Variants in EIF3H observed in about 807,000 individuals in gnomAD.
The protein encoded by EIF3H is eIF-3-gamma.
A neutral mutation model predicts 44.2 loss-of-function variants in EIF3H; 26 were observed. The observed-to-expected ratio is 0.59, with a 90% CI of 0.43 to 0.82. The LOEUF (loss-of-function observed/expected upper bound fraction) is 0.82. EIF3H is among the 40% of genes least tolerant of loss of function. The probability of loss-of-function intolerance (pLI) is 0.00; values close to 1 mark genes in which losing one functional copy is unlikely to be tolerated. For synonymous variants in EIF3H, 166 were observed against 151.9 expected, an observed-to-expected ratio of 1.09 and a Z score of -0.68; for missense variants, 359 against 432.8, an observed-to-expected ratio of 0.83 and a Z score of 1.51.
intron 6 of EIF3H, among the ~76,000 whole-genome samples, chr8:116,647,621 A>C (rs1813326180): frequency 6.6e-6 from 1 of 152,364 alleles, no homozygotes; most frequent in East Asian, 1.9e-4. Context: ...GAAGCACGTA[A>C]TATCCCATAC....
intron 2 of EIF3H, among the ~76,000 whole-genome samples, chr8:116,701,997 T>A (rs185304429): frequency 3.3e-5 from 5 of 151,612 alleles, no homozygotes; most frequent in Non-Finnish European, 5.9e-5. Context: ...AAATCTAAAT[T>A]TTTTTTTTAA....
chr8:116,714,248 A>C (rs775623984), intron 2 of EIF3H, among the ~76,000 whole-genome samples: 3 of 152,150 alleles, frequency 2.0e-5, no homozygotes, highest in Non-Finnish European at 4.4e-5. Context: ...TTCTTGTTTA[A>C]CAGTTTCTTA....
chr8:116,743,784 AT>A (rs1243272231), intron 1 of EIF3H, among the ~76,000 whole-genome samples: 6 of 90,782 alleles, frequency 6.6e-5, no homozygotes, highest in Non-Finnish European at 1.1e-4. Context: ...ATATATATAT[AT>A]ATATATATAT....
chr8:116,662,341 G>A (rs1813597783), intron 2 of EIF3H, among the ~76,000 whole-genome samples: 1 of 152,114 alleles, frequency 6.6e-6, no homozygotes, highest in Non-Finnish European at 1.5e-5. Flanking sequence ...AGTCTTAAAA[G>A]GTGGGGCTGG....
chr8:116,742,856 A>G (rs1284641254), intron 1 of EIF3H, among the ~76,000 whole-genome samples: 2 of 152,212 alleles, frequency 1.3e-5, no homozygotes, highest in African/African-American at 2.4e-5. Flanking sequence ...TTTGTGTGCC[A>G]TATGCATGTA....
chr8:116,669,697 G>C lies in EIF3H; in HGVS notation c.290-10717C>G, dbSNP rs907385988. On this transcript the variant is annotated intron_variant, in intron 2 of 7. Coordinates refer to ENST00000521861, the MANE Select transcript of EIF3H (RefSeq NM_003756.3). ...AGTATCAAAGATATTATAAAAGAAA[G>C]CCTGAGGAATATAATTTTTGAAGAC... Among the ~76,000 whole-genome samples, 3 of 152,250 alleles carry C rather than the reference G, an allele frequency of 2.0e-5. No homozygotes were observed. The South Asian group carries it at 6.2e-4, about 32-fold the overall frequency.
At position 116,755,758 on chromosome 8, in the gene EIF3H, A is replaced by G. The variant is rs778048842; in HGVS notation, c.40T>C (p.Ser14Pro). 6.2e-6 allele frequency: 10 copies of G among 1,613,946 alleles called. No individual in the cohort carries two copies. The South Asian group carries it at 8.8e-5, about 14-fold the overall frequency. Residue 14 changes from serine (S) to proline (P), a missense_variant, in exon 1 of 8, where the codon TCT (serine) becomes CCT (proline). This residue lies in a region of EIF3H where 59 missense variants were observed against 33.5 expected (regional missense o/e 1.76). Coordinates refer to ENST00000521861, the MANE Select transcript of EIF3H (RefSeq NM_003756.3). The part of the protein sequence containing the change: ...RKEGTGSTAT[S>P]SSSTAGAAGK... ...GCTGCGCCGGCGGTGGAGCTGGAAG[A>G]GGTGGCAGTAGAGCCGGTACCTTCC...
At chr8:116,766,368 T>A (rs16888720), upstream of EIF3H, 5 of 433,100 alleles carry the variant, frequency 1.2e-5, no homozygotes, top group East Asian at 4.0e-5. Context: ...TTTTCCAGCG[T>A]ACGCACAAGT....
At chr8:116,709,360 A>G (rs1814533211) in intron 2 of EIF3H, among the ~76,000 whole-genome samples, 2 of 152,230 alleles carry the variant, frequency 1.3e-5, no homozygotes, top group Admixed American at 1.3e-4. Flanking sequence ...GTAAAACCAC[A>G]GAAACCATCG....
intron 2 of EIF3H, among the ~76,000 whole-genome samples, chr8:116,719,752 AAAG>A (rs1443219198): frequency 2.6e-5 from 4 of 151,472 alleles, no homozygotes; most frequent in Non-Finnish European, 5.9e-5. Context: ...ATGAAAAACT[AAAG>A]AAGACTGTTG....
chr8:116,689,096 A>G (rs1055850056), intron 2 of EIF3H: 1 of 449,688 alleles, frequency 2.2e-6, no homozygotes, highest in Non-Finnish European at 4.5e-6. Context: ...CTACTCAGCA[A>G]TAACAAGGAA....
intron 1 of EIF3H, among the ~76,000 whole-genome samples, chr8:116,738,554 G>C (rs1378569687): frequency 5.0e-5 from 2 of 40,312 alleles, no homozygotes; most frequent in Non-Finnish European, 1.4e-4. Context: ...CAAGCAGAAA[G>C]GCCGTTTAAG....
chr8:116,652,266 G>A (rs1390090291), intron 5 of EIF3H, among the ~76,000 whole-genome samples: 2 of 152,216 alleles, frequency 1.3e-5, no homozygotes, highest in Non-Finnish European at 2.9e-5. Context: ...AAAGTCTTCT[G>A]TGACTTTGGA....
chr8:116,671,658 A>G (rs1461553304), intron 2 of EIF3H, among the ~76,000 whole-genome samples: 2 of 152,216 alleles, frequency 1.3e-5, no homozygotes, highest in African/African-American at 4.8e-5. Flanking sequence ...CAGCTGACAT[A>G]GTAGTGTAGA....
chr8:116,689,748 T>C (rs1174207761), intron 2 of EIF3H, among the ~76,000 whole-genome samples: 1 of 152,218 alleles, frequency 6.6e-6, no homozygotes, highest in African/African-American at 2.4e-5. Context: ...GCATTGCTAT[T>C]ACAAAATCAT....
At chr8:116,663,861 GC>G (rs1267500137) in intron 2 of EIF3H, among the ~76,000 whole-genome samples, 7 of 149,502 alleles carry the variant, frequency 4.7e-5, no homozygotes, top group African/African-American at 1.7e-4. Context: ...AGCCCGTGAG[GC>G]AGATGTTGCA....
At chr8:116,743,769 C>CATACATAT (rs1433709835) in intron 1 of EIF3H, among the ~76,000 whole-genome samples, 2 of 96,998 alleles carry the variant, frequency 2.1e-5, no homozygotes, top group South Asian at 7.8e-4. Flanking sequence ...AAAATACATA[C>CATACATAT]ATATATATAT....
At chr8:116,745,334 T>C (rs1328447743) in intron 1 of EIF3H, among the ~76,000 whole-genome samples, 10 of 152,244 alleles carry the variant, frequency 6.6e-5, no homozygotes, top group Admixed American at 6.5e-4. Flanking sequence ...TCAGGTTCTC[T>C]TTATTACAGT....
chr8:116,691,254 G>A (rs1273908968), intron 2 of EIF3H, among the ~76,000 whole-genome samples: 1 of 152,200 alleles, frequency 6.6e-6, no homozygotes, highest in Non-Finnish European at 1.5e-5. Flanking sequence ...CACTTTGAAA[G>A]AAATGTTGCC....
Sources: gnomAD v4.1 joint callset for allele counts (sites outside exome capture counted in the v4.1 genomes callset) on GRCh38, gnomAD v4.1.1 for gene constraint, gnomAD v4.1.1 regional missense constraint, MANE v1.5 for transcripts, NCBI Gene and HGNC (gene_info 2026-07-23, HGNC 2026-07-21) for gene names.